Variants in TNFRSF8 observed in about 807,000 individuals in gnomAD.
TNFRSF8 encodes tumor necrosis factor receptor superfamily member 8.
Under a neutral mutation model 70.8 loss-of-function variants are expected in TNFRSF8, and 26 were observed. That is an observed-to-expected ratio of 0.37 (90% CI 0.27 to 0.51). TNFRSF8 has a LOEUF of 0.51. Among genes scored for constraint, TNFRSF8 ranks in the 20% least tolerant of loss-of-function variants. The pLI is 0.94. For synonymous variants in TNFRSF8, 356 were observed against 339.2 expected (o/e 1.05, Z -0.54); for missense variants, 720 against 807.9 (o/e 0.89, Z 1.32).
At chr1:12,076,886 G>C (rs1192793585) in intron 1 of TNFRSF8, among the ~76,000 whole-genome samples, 1 of 152,128 alleles carries the variant, frequency 6.6e-6, no homozygotes, top group Non-Finnish European at 1.5e-5. Flanking sequence ...TAGTCTAGTG[G>C]TTGCTTAGGA....
At chr1:12,126,892 T>C (rs1302175760) in intron 12 of TNFRSF8, among the ~76,000 whole-genome samples, 1 of 152,250 alleles carries the variant, frequency 6.6e-6, no homozygotes, top group Non-Finnish European at 1.5e-5. Context: ...GGCTGCTGCC[T>C]ATTGACAGGC....
At chr1:12,104,336 C>T (rs1390894275) in intron 3 of TNFRSF8, 43 bp from the exon 4 acceptor site, 2 of 1,612,666 alleles carry the variant, frequency 1.2e-6, no homozygotes, top group Middle Eastern at 3.4e-4. Context: ...GGAGAGACGC[C>T]TTCCTTCTGT....
chr1:12,123,859 C>G, intron 10 of TNFRSF8, 32 bp downstream of exon 10: 3 of 1,511,156 alleles, frequency 2.0e-6, no homozygotes, highest in Non-Finnish European at 2.7e-6. Flanking sequence ...CCCCTACTCC[C>G]AGCAGGGGCT....
At chr1:12,137,367 A>G (rs1328301198) in intron 13 of TNFRSF8, among the ~76,000 whole-genome samples, 1 of 152,150 alleles carries the variant, frequency 6.6e-6, no homozygotes, top group Non-Finnish European at 1.5e-5. Context: ...CCAATCTAAA[A>G]GATACGCCCT....
At chr1:12,069,421 C>T (rs920806251) in intron 1 of TNFRSF8, among the ~76,000 whole-genome samples, 2 of 151,574 alleles carry the variant, frequency 1.3e-5, no homozygotes, top group Admixed American at 6.6e-5. Flanking sequence ...TCAGACGAGC[C>T]CCCCCGCCTC....
At chr1:12,135,674 A>C in intron 13 of TNFRSF8, 61 bp downstream of exon 13, 3 of 1,600,798 alleles carry the variant, frequency 1.9e-6, no homozygotes, top group Non-Finnish European at 1.7e-6. Context: ...CTCCTTCCCT[A>C]ACAGATCTGA....
At chr1:12,067,055 A>AT (rs1259292290) in intron 1 of TNFRSF8, among the ~76,000 whole-genome samples, 17 of 152,102 alleles carry the variant, frequency 1.1e-4, no homozygotes, top group African/African-American at 4.1e-4. Context: ...GCACCATCTG[A>AT]GAGTTGGCCT....
intron 3 of TNFRSF8, among the ~76,000 whole-genome samples, chr1:12,103,798 T>C (rs944614511): frequency 1.3e-5 from 2 of 152,218 alleles, no homozygotes; most frequent in African/African-American, 4.8e-5. Flanking sequence ...CAGCCTCCCC[T>C]GTCACGAACA....
chr1:12,130,353 T>C (rs1366813144), intron 12 of TNFRSF8, among the ~76,000 whole-genome samples: 1 of 152,256 alleles, frequency 6.6e-6, no homozygotes, highest in Non-Finnish European at 1.5e-5. Flanking sequence ...AGAGCCCCTT[T>C]AAGCTGGCTC....
chr1:12,128,380 G>T (rs371919382), intron 12 of TNFRSF8, among the ~76,000 whole-genome samples: 2 of 152,214 alleles, frequency 1.3e-5, no homozygotes, highest in East Asian at 1.9e-4. Flanking sequence ...TCTGTGGTCC[G>T]TGCAGGTGCG....
intron 12 of TNFRSF8, among the ~76,000 whole-genome samples, chr1:12,129,578 C>G (rs1198077834): frequency 6.6e-6 from 1 of 152,156 alleles, no homozygotes; most frequent in Non-Finnish European, 1.5e-5. Flanking sequence ...CTTTCACTTA[C>G]TGGGAAGAGC....
At chr1:12,127,406 C>T (rs576212882) in intron 12 of TNFRSF8, among the ~76,000 whole-genome samples, 1 of 152,242 alleles carries the variant, frequency 6.6e-6, no homozygotes, top group Non-Finnish European at 1.5e-5. Flanking sequence ...CAGCCTCAGG[C>T]ACTGGTCCTA....
intron 6 of TNFRSF8, 79 bp from the exon 7 acceptor site, chr1:12,111,818 TG>T: frequency 1.7e-6 from 2 of 1,161,772 alleles, no homozygotes; most frequent in East Asian, 2.3e-5. Context: ...CGGTGAGGGA[TG>T]GGGGGCTTCA....
chr1:12,082,444 G>T (rs1443336117), intron 1 of TNFRSF8, among the ~76,000 whole-genome samples: 2 of 151,668 alleles, frequency 1.3e-5, no homozygotes, highest in African/African-American at 4.8e-5. Flanking sequence ...TACTTGGGAG[G>T]CTGAGGCGAA....
chr1:12,092,803 C>T (rs184376009), intron 2 of TNFRSF8, among the ~76,000 whole-genome samples: 13 of 149,580 alleles, frequency 8.7e-5, no homozygotes, highest in Non-Finnish European at 1.6e-4. Context: ...CCACCGCGCC[C>T]GACCTCTTTT....
At chr1:12,136,157 A>C (rs1438386433) in intron 13 of TNFRSF8, among the ~76,000 whole-genome samples, 1 of 148,748 alleles carries the variant, frequency 6.7e-6, no homozygotes, top group Non-Finnish European at 1.5e-5. Context: ...CTATCCTTTC[A>C]TTTTTCAATA....
chr1:12,080,369 T>C, intron 1 of TNFRSF8: 3 of 524,556 alleles, frequency 5.7e-6, no homozygotes, highest in South Asian at 1.4e-5. Flanking sequence ...ATCCATGCCA[T>C]AGAGCTTTGT....
rs529160161 is a variant in TNFRSF8 at position 12,075,251 on chromosome 1, A to ATT, written c.64-9199_64-9198dup. The stretch of plus-strand genomic sequence containing the variant: ...AGAGTGAGACTCTGCCAAAAAAAAA[A>ATT]TTTTTTTTTTTTTTTAAAGAGACAG... On this transcript the variant is annotated intron_variant, in intron 1 of 14. Coordinates refer to ENST00000263932, the MANE Select transcript of TNFRSF8 (RefSeq NM_001243.5). Among the ~76,000 whole-genome samples, 691 of 143,898 alleles carry ATT rather than the reference A, an allele frequency of 4.8e-3. 5 individuals carry two copies. Among genetic ancestry groups the ATT allele is most frequent in the Non-Finnish European group, 5.4e-3 (355 of 65,872 alleles). 94.4% of individuals were successfully genotyped at this position (143,898 alleles called of 152,430 possible). A position where few individuals can be genotyped will look rare whatever the true frequency, so the allele number is the denominator to read the frequency against.
intron 10 of TNFRSF8, 82 bp downstream of exon 10, chr1:12,123,909 G>A: frequency 1.6e-6 from 2 of 1,257,388 alleles, no homozygotes; most frequent in Non-Finnish European, 2.2e-6. Context: ...CCAGGAGGGA[G>A]CTTCTCCTTT....
Sources: allele counts gnomAD v4.1 joint callset (sites outside exome capture counted in the v4.1 genomes callset), GRCh38; gene constraint gnomAD v4.1.1; transcripts MANE v1.5; gene names NCBI Gene and HGNC (gene_info 2026-07-23, HGNC 2026-07-21).